AGTPBP1: variants seen among roughly 807,000 people sequenced by gnomAD.
The protein encoded by AGTPBP1 is cytosolic carboxypeptidase 1.
Under a neutral mutation model 143.9 loss-of-function variants are expected in AGTPBP1, and 70 were observed. The observed-to-expected ratio is 0.49, with a 90% CI of 0.40 to 0.59. AGTPBP1 has a LOEUF of 0.59. Among genes scored for constraint, AGTPBP1 ranks in the 20% least tolerant of loss-of-function variants. AGTPBP1 has a pLI of 0.00. For synonymous variants in AGTPBP1, 463 were observed against 500.2 expected (o/e 0.93, Z 0.99); for missense variants, 1,229 against 1,464.5 (o/e 0.84, Z 2.62).
At chr9:85,670,229 A>T (rs1834399022) in intron 7 of AGTPBP1, among the ~76,000 whole-genome samples, 1 of 152,208 alleles carries the variant, frequency 6.6e-6, no homozygotes, top group African/African-American at 2.4e-5. Flanking sequence ...CAGAGTATCA[A>T]GAAAAGATAC....
upstream of AGTPBP1, among the ~76,000 whole-genome samples, chr9:85,745,552 A>G (rs1824570318): frequency 6.6e-6 from 1 of 152,258 alleles, no homozygotes; most frequent in Non-Finnish European, 1.5e-5. Context: ...ACAAACGACC[A>G]GAGCTGAATC....
chr9:85,742,121 T>C, upstream of AGTPBP1: 1 of 766,582 alleles, frequency 1.3e-6, no homozygotes, highest in Non-Finnish European at 1.6e-6. Flanking sequence ...CCGTGCGCGC[T>C]GCGCCCCGCC....
At chr9:85,788,291 C>T in the AGTPBP1 span, among the ~76,000 whole-genome samples, 1 of 150,966 alleles carries the variant, frequency 6.6e-6, no homozygotes, top group African/African-American at 2.4e-5. Flanking sequence ...TAGTCTTCCA[C>T]TTTTATAAAT....
intron 1 of AGTPBP1, among the ~76,000 whole-genome samples, chr9:85,734,155 A>G (rs546535994): frequency 6.6e-6 from 1 of 152,248 alleles, no homozygotes; most frequent in South Asian, 2.1e-4. Context: ...CAGGACGCTG[A>G]GGCAGAAGGA....
intron 11 of AGTPBP1, among the ~76,000 whole-genome samples, chr9:85,650,103 G>A: frequency 7.3e-6 from 1 of 136,368 alleles, no homozygotes; most frequent in Non-Finnish European, 1.5e-5. Flanking sequence ...TTTCTTGAAA[G>A]TTTGGGAGAA....
intron 1 of AGTPBP1, among the ~76,000 whole-genome samples, chr9:85,724,340 T>C (rs1265038436): frequency 6.6e-6 from 1 of 151,540 alleles, no homozygotes; most frequent in Non-Finnish European, 1.5e-5. Flanking sequence ...ATAAGCTACC[T>C]ACTCTATGGT....
At chr9:85,759,283 T>C in the AGTPBP1 span, among the ~76,000 whole-genome samples, 1 of 152,164 alleles carries the variant, frequency 6.6e-6, no homozygotes, top group African/African-American at 2.4e-5. Flanking sequence ...AATAGACATC[T>C]ACAGAACTTT....
intron 15 of AGTPBP1, 113 bp downstream of exon 15, chr9:85,621,089 A>G: frequency 2.0e-6 from 1 of 494,782 alleles, no homozygotes; most frequent in African/African-American, 2.0e-5. Flanking sequence ...ATTTTTATTT[A>G]TTATTTTAAA....
At chr9:85,631,785 C>T (rs1310066352) in intron 14 of AGTPBP1, among the ~76,000 whole-genome samples, 1 of 152,084 alleles carries the variant, frequency 6.6e-6, no homozygotes, top group East Asian at 1.9e-4. Flanking sequence ...TTTTCAGATA[C>T]TGATACAAGC....
chr9:85,767,180 CTTTTT>C, the AGTPBP1 span, among the ~76,000 whole-genome samples: 2 of 116,456 alleles, frequency 1.7e-5, no homozygotes, highest in Non-Finnish European at 1.7e-5. Context: ...TGAGAACATA[CTTTTT>C]TTTTTTTTTT....
intron 14 of AGTPBP1, among the ~76,000 whole-genome samples, chr9:85,629,082 T>C (rs1831492677): frequency 6.6e-6 from 1 of 152,204 alleles, no homozygotes; most frequent in South Asian, 2.1e-4. Flanking sequence ...CTTTGCACTT[T>C]AACTTGCATA....
intron 14 of AGTPBP1, among the ~76,000 whole-genome samples, chr9:85,626,688 C>T (rs1216053454): frequency 9.0e-6 from 1 of 110,858 alleles, no homozygotes; most frequent in East Asian, 4.9e-4. Flanking sequence ...GCAAACTTCT[C>T]CTACAAAGAG....
intron 20 of AGTPBP1, 31 bp downstream of exon 20, chr9:85,589,497 C>T (rs1828820197): frequency 1.7e-5 from 27 of 1,579,804 alleles, no homozygotes; most frequent in Non-Finnish European, 2.1e-5. Context: ...GTGAGAATGA[C>T]TGCTATTGTG....
At chr9:85,753,568 A>G in the AGTPBP1 span, 77 of 1,046,956 alleles carry the variant, frequency 7.4e-5, no homozygotes, top group South Asian at 1.2e-3. Flanking sequence ...CCTGGTCAAC[A>G]TGGTAAAACC....
At chr9:85,588,684 A>G (rs1287604470) in intron 20 of AGTPBP1, among the ~76,000 whole-genome samples, 3 of 152,186 alleles carry the variant, frequency 2.0e-5, no homozygotes, top group African/African-American at 7.2e-5. Flanking sequence ...GAAGGAGCTC[A>G]TAATAGGACA....
At chr9:85,575,240 A>C in intron 25 of AGTPBP1, 75 bp downstream of exon 25, 2 of 1,164,622 alleles carry the variant, frequency 1.7e-6, no homozygotes, top group Non-Finnish European at 2.3e-6. Context: ...CAAAATTTCC[A>C]TGCCTTTTCT....
At chr9:85,768,841 A>T in the AGTPBP1 span, among the ~76,000 whole-genome samples, 1 of 151,474 alleles carries the variant, frequency 6.6e-6, no homozygotes, top group Non-Finnish European at 1.5e-5. Flanking sequence ...TGAAGTCAGG[A>T]GTTCCAAGAC....
intron 2 of AGTPBP1, among the ~76,000 whole-genome samples, chr9:85,709,614 T>C (rs1246628755): frequency 6.6e-6 from 1 of 152,136 alleles, no homozygotes; most frequent in Non-Finnish European, 1.5e-5. Context: ...TACTGTTGTA[T>C]AGAAGAGGAG....
At chr9:85,620,473 T>G (rs1477839077) in intron 15 of AGTPBP1, among the ~76,000 whole-genome samples, 1 of 149,802 alleles carries the variant, frequency 6.7e-6, no homozygotes, top group East Asian at 2.0e-4. Flanking sequence ...ATTGGCAAGA[T>G]GTGAAATTTT....
Sources: gnomAD v4.1 joint callset for allele counts (sites outside exome capture counted in the v4.1 genomes callset) on GRCh38, gnomAD v4.1.1 for gene constraint, MANE v1.5 for transcripts, NCBI Gene and HGNC (gene_info 2026-07-23, HGNC 2026-07-21) for gene names.